SNX29: variants seen among roughly 807,000 people sequenced by gnomAD.
SNX29 encodes the protein sorting nexin-29.
SNX29 carries 78 observed loss-of-function variants against 102.1 expected under a neutral mutation model. The observed-to-expected ratio is 0.76, with a 90% CI of 0.64 to 0.92. The LOEUF is 0.92. Ranked by LOEUF, SNX29 falls within the 40% of genes least tolerant of loss-of-function variation. The pLI, the probability that SNX29 is intolerant of heterozygous loss-of-function variation, is 0.00. For missense variants in SNX29, 1,280 were observed against 1,061.7 expected (o/e 1.21, Z -2.86); for synonymous variants, 580 against 414.5 (o/e 1.40, Z -4.85).
chr16:12,550,567 A>T (rs1235364094), intron 20 of SNX29, among the ~76,000 whole-genome samples: 1 of 151,566 alleles, frequency 6.6e-6, no homozygotes, highest in Non-Finnish European at 1.5e-5. Context: ...AAATATGAGG[A>T]TATATACTTC....
chr16:12,166,673 A>G (rs937802962), intron 13 of SNX29, among the ~76,000 whole-genome samples: 1 of 152,102 alleles, frequency 6.6e-6, no homozygotes, highest in African/African-American at 2.4e-5. Flanking sequence ...AAACCCAAAG[A>G]TCCCGTGTAC....
chr16:12,457,786 T>C (rs1324744371), intron 18 of SNX29, among the ~76,000 whole-genome samples: 1 of 152,212 alleles, frequency 6.6e-6, no homozygotes, highest in East Asian at 1.9e-4. Context: ...TTGAATGCTA[T>C]CTTACGGGCA....
intron 20 of SNX29, chr16:12,526,528 C>G (rs868829329): frequency 3.9e-6 from 2 of 514,720 alleles, no homozygotes; most frequent in Non-Finnish European, 7.6e-6. Flanking sequence ...TTTTTCTTTT[C>G]TTCTTTTATT....
rs180693756 is a variant in SNX29 at position 12,384,530 on chromosome 16, G to A, written c.1900-13916G>A. ...TGTATGTCTACTTTTGAGAAATGTCGTTTCAGATCTTTTGCCTGGTTTTTA... is the reference window on the plus strand; with the variant it reads ...TGTATGTCTACTTTTGAGAAATGTCATTTCAGATCTTTTGCCTGGTTTTTA... On this transcript the variant is annotated intron_variant, in intron 16 of 20. Transcript: ENST00000566228. 7.9e-5 allele frequency among the ~76,000 whole-genome samples: 12 copies of A among 152,250 alleles called. 1 individual carries two copies. The highest frequency in any genetic ancestry group is 2.2e-4 in the African/African-American group (9 of 41,546).
At chr16:12,433,035 A>G (rs754764620) in intron 18 of SNX29, among the ~76,000 whole-genome samples, 51 of 152,316 alleles carry the variant, frequency 3.3e-4, no homozygotes, top group Non-Finnish European at 6.6e-4. Flanking sequence ...AGGAATATGC[A>G]GAATGTGGAG....
intron 19 of SNX29, among the ~76,000 whole-genome samples, chr16:12,482,463 G>T (rs1320412628): frequency 6.6e-6 from 1 of 152,038 alleles, no homozygotes; most frequent in Non-Finnish European, 1.5e-5. Context: ...CACCATGCCT[G>T]TCTGATATTT....
chr16:12,188,674 G>A (rs1027005562), intron 13 of SNX29, among the ~76,000 whole-genome samples: 15 of 152,176 alleles, frequency 9.9e-5, no homozygotes, highest in Admixed American at 9.8e-4. Flanking sequence ...AATGAGATGG[G>A]CTTTATAAAA....
At chr16:12,084,258 G>T (rs949307037) in intron 11 of SNX29, among the ~76,000 whole-genome samples, 2 of 151,694 alleles carry the variant, frequency 1.3e-5, no homozygotes, top group African/African-American at 4.8e-5. Flanking sequence ...CTATTCTCCT[G>T]CCTCAGCCTC....
At chr16:12,259,932 G>GCTGCCT (rs201751382) in intron 14 of SNX29, among the ~76,000 whole-genome samples, 1,776 of 151,776 alleles carry the variant, frequency 0.012, 38 homozygotes, top group African/African-American at 0.04. Flanking sequence ...CTAATCCCCC[G>GCTGCCT]CTGCCTCTGC....
chr16:12,126,715 T>A lies in SNX29; in HGVS notation c.1466+19T>A, dbSNP rs1477859538. 3 of 1,613,462 alleles carry A rather than the reference T, an allele frequency of 1.9e-6. No homozygotes were observed. Among genetic ancestry groups the A allele is most frequent in the Non-Finnish European group, 2.5e-6 (3 of 1,179,580 alleles). ...AGAACAGGTACCGTGATTTTCAGGC[T>A]TGAGGAATAGCCTCTTTCTTTGACA... is the stretch of plus-strand genomic sequence containing the variant. On this transcript the variant is annotated intron_variant, in intron 12 of 20. Coordinates refer to ENST00000566228, the MANE Select transcript of SNX29 (RefSeq NM_032167.5).
At position 12,536,870 on chromosome 16, in the gene SNX29, G is replaced by A. The variant is rs1255121220; in HGVS notation, c.2318+12029G>A. On this transcript the variant is annotated intron_variant, in intron 20 of 20. Coordinates refer to ENST00000566228, the MANE Select transcript of SNX29 (RefSeq NM_032167.5). ...GCACACCTGTAATTGTAGCTACTTG[G>A]GAGGCTGAGGCAAGATAATCGCTTG... Among the ~76,000 whole-genome samples the A allele has an allele frequency of 5.3e-5, 8 of 152,148 alleles. No individual in the cohort carries two copies. The East Asian group carries it at 5.8e-4, about 11-fold the overall frequency.
At chr16:12,001,632 G>C (rs181333049) in intron 2 of SNX29, among the ~76,000 whole-genome samples, 55 of 151,952 alleles carry the variant, frequency 3.6e-4, no homozygotes, top group Admixed American at 1.4e-3. Flanking sequence ...CACACACACA[G>C]ATACACACAC....
chr16:12,320,401 G>A (rs1405167437), intron 15 of SNX29, among the ~76,000 whole-genome samples: 3 of 152,110 alleles, frequency 2.0e-5, no homozygotes, highest in East Asian at 1.9e-4. Context: ...GGGCTGGTGC[G>A]TAGCAGGTAT....
intron 3 of SNX29, among the ~76,000 whole-genome samples, chr16:12,012,958 A>C (rs565367622): frequency 2.0e-5 from 3 of 152,072 alleles, no homozygotes; most frequent in Non-Finnish European, 2.9e-5. Context: ...TGACAAAGTC[A>C]CATTTGCATT....
intron 16 of SNX29, among the ~76,000 whole-genome samples, chr16:12,389,207 A>G (rs751256042): frequency 2.0e-4 from 31 of 152,118 alleles, no homozygotes; most frequent in Non-Finnish European, 3.7e-4. Flanking sequence ...CCTGTGCCTC[A>G]GTTTCCCTGG....
At position 12,354,148 on chromosome 16, in the gene SNX29, T is replaced by C. The variant is rs1456927426; in HGVS notation, c.1783-2015T>C. Among the ~76,000 whole-genome samples the C allele has an allele frequency of 2.0e-5, 3 of 152,354 alleles. 1 individual carries two copies. The Middle Eastern group carries it at 0.01, about 518-fold the overall frequency. ...TTATACTGGAGTTTGGAAATAGTTA[T>C]TCGAGGAACAGTAAGCTCAGTGTGG... On this transcript the variant is annotated intron_variant, in intron 15 of 20. Coordinates refer to ENST00000566228, the MANE Select transcript of SNX29 (RefSeq NM_032167.5).
chr16:12,027,630 A>G (rs1009121585), intron 4 of SNX29, 186 bp downstream of exon 4: 3 of 635,772 alleles, frequency 4.7e-6, no homozygotes, highest in African/African-American at 3.7e-5. Context: ...TCTTAATTTA[A>G]ATGAAGTCAT....
rs544109334 is a variant in SNX29 at position 12,570,266 on chromosome 16, G to A, written c.*1637G>A. 35 of 1,065,114 alleles carry A rather than the reference G, an allele frequency of 3.3e-5. No individual in the cohort carries two copies. In the South Asian group the frequency reaches 8.7e-4, roughly 26 times the overall value. The allele number at this position is 1,065,114 out of a possible 1,614,324, so 66.0% of individuals were successfully genotyped here. A position where few individuals can be genotyped will look rare whatever the true frequency, so the allele number is the denominator to read the frequency against. On this transcript the variant is annotated 3_prime_UTR_variant, in exon 21 of 21. Transcript: ENST00000566228. ...CAAATGAGCTGGAGCATGTATGGAG[G>A]TGCGGACCCTGCAGTCAGTTTGCGA...
At chr16:12,206,392 A>C (rs2077045010) in intron 14 of SNX29, among the ~76,000 whole-genome samples, 1 of 151,816 alleles carries the variant, frequency 6.6e-6, no homozygotes, top group African/African-American at 2.4e-5. Context: ...TTCAAAAAAA[A>C]AAAAAAAAAA....
Sources: allele counts gnomAD v4.1 joint callset (sites outside exome capture counted in the v4.1 genomes callset), GRCh38; gene constraint gnomAD v4.1.1; transcripts MANE v1.5; gene names NCBI Gene and HGNC (gene_info 2026-07-23, HGNC 2026-07-21).